RASGRF1: variants seen among roughly 807,000 people sequenced by gnomAD.
RASGRF1 encodes Ras protein specific guanine nucleotide releasing factor 1.
Under a neutral mutation model 138.7 loss-of-function variants are expected in RASGRF1, and 40 were observed. The observed-to-expected ratio is 0.29, with a 90% CI of 0.22 to 0.38. RASGRF1 has a LOEUF of 0.38. Ranked by LOEUF, RASGRF1 falls within the 10% of genes least tolerant of loss-of-function variation. RASGRF1 has a pLI of 1.00. For missense variants in RASGRF1, 1,108 were observed against 1,650.4 expected, an observed-to-expected ratio of 0.67 and a Z score of 5.69; for synonymous variants, 614 against 663.2, an observed-to-expected ratio of 0.93 and a Z score of 1.14.
At chr15:78,994,924 ACCTTTTT>A (rs1189095576) in intron 20 of RASGRF1, among the ~76,000 whole-genome samples, 4 of 131,200 alleles carry the variant, frequency 3.0e-5, no homozygotes, top group East Asian at 4.4e-4. Context: ...CCCTTCCAGC[ACCTTTTT>A]TTTTTTTTTT....
intron 23 of RASGRF1, among the ~76,000 whole-genome samples, chr15:78,983,596 G>A (rs2056083104): frequency 6.6e-6 from 1 of 152,244 alleles, no homozygotes; most frequent in South Asian, 2.1e-4. Context: ...CCAAGAACAG[G>A]GGAGAAGGAG....
chr15:79,031,708 G>C, intron 7 of RASGRF1, among the ~76,000 whole-genome samples, 199 bp from the exon 8 acceptor site: 1 of 149,522 alleles, frequency 6.7e-6, no homozygotes, highest in Non-Finnish European at 1.5e-5. Flanking sequence ...GAGAGAGAGA[G>C]AGCGCGTGAG....
chr15:79,006,561 G>C lies in RASGRF1; in HGVS notation c.1827-127C>G. 8.4e-7 allele frequency: 1 copy of C among 1,188,352 alleles called. No individual in the cohort carries two copies. The highest frequency in any genetic ancestry group is 1.2e-6 in the Non-Finnish European group (1 of 866,966). 73.6% of individuals were successfully genotyped at this position (1,188,352 alleles called of 1,614,324 possible). The stretch of plus-strand genomic sequence containing the variant: ...CAGGATGGTCTTATTAAGAGAACAA[G>C]CTTGGGAAGGATGACACTGAAGGAG... On this transcript the variant is annotated intron_variant, in intron 13 of 26. Transcript: ENST00000558480. This position sits in a 1 kb window ranked among gnomAD's most constrained non-coding sequence, Gnocchi z 4.0.
intron 5 of RASGRF1, among the ~76,000 whole-genome samples, chr15:79,039,361 T>C (rs938560436): frequency 2.0e-5 from 3 of 151,898 alleles, no homozygotes; most frequent in African/African-American, 7.2e-5. Flanking sequence ...TTTCTGGACT[T>C]TCTATTTTAT....
intron 1 of RASGRF1, among the ~76,000 whole-genome samples, chr15:79,080,445 G>T (rs1327011708): frequency 6.6e-6 from 1 of 152,214 alleles, no homozygotes; most frequent in Non-Finnish European, 1.5e-5. Flanking sequence ...TCTTCCAAAT[G>T]ATTTCACTAA....
At chr15:79,016,747 G>A (rs899789944) in intron 12 of RASGRF1, among the ~76,000 whole-genome samples, 1 of 152,236 alleles carries the variant, frequency 6.6e-6, no homozygotes, top group African/African-American at 2.4e-5. Context: ...GAGATGGGCA[G>A]GTGGGCCAGA....
At chr15:79,024,891 C>T (rs189654739) in intron 10 of RASGRF1, among the ~76,000 whole-genome samples, 254 of 150,434 alleles carry the variant, frequency 1.7e-3, no homozygotes, top group Non-Finnish European at 3.3e-3. Context: ...ATATACACAC[C>T]ACGCACACAT....
chr15:79,085,241 G>C (rs2057964364), intron 1 of RASGRF1, among the ~76,000 whole-genome samples: 1 of 152,220 alleles, frequency 6.6e-6, no homozygotes, highest in Non-Finnish European at 1.5e-5. Context: ...GGGCATGGTT[G>C]GTGGGAGATC....
chr15:78,992,381 A>G (rs2056289302), intron 20 of RASGRF1, among the ~76,000 whole-genome samples: 1 of 152,208 alleles, frequency 6.6e-6, no homozygotes. Context: ...TCATTAAGGG[A>G]TTCCACTATT....
chr15:79,029,363 G>A (rs1036452430), intron 8 of RASGRF1, among the ~76,000 whole-genome samples: 1 of 152,128 alleles, frequency 6.6e-6, no homozygotes, highest in African/African-American at 2.4e-5. Context: ...ATGAGGGTGG[G>A]GTTTTGCGGG....
intron 19 of RASGRF1, among the ~76,000 whole-genome samples, chr15:78,996,508 G>C (rs767468462): frequency 1.5e-4 from 23 of 152,152 alleles, no homozygotes; most frequent in Non-Finnish European, 2.2e-4. Context: ...ATATCTTACA[G>C]CTGAGGAAAC....
intron 15 of RASGRF1, among the ~76,000 whole-genome samples, chr15:79,002,985 G>A (rs2056570500): frequency 2.6e-5 from 4 of 152,192 alleles, no homozygotes; most frequent in Non-Finnish European, 5.9e-5. Context: ...CAATGCTTGT[G>A]GCACCCAAGA....
intron 26 of RASGRF1, among the ~76,000 whole-genome samples, chr15:78,963,347 T>C (rs1021207588): frequency 2.0e-5 from 3 of 151,978 alleles, no homozygotes; most frequent in African/African-American, 4.8e-5. Context: ...TGTCGCCCAG[T>C]CTGGAGTGCA....
chr15:79,014,520 A>G (rs377455050), intron 13 of RASGRF1, among the ~76,000 whole-genome samples: 6 of 152,220 alleles, frequency 3.9e-5, no homozygotes, highest in African/African-American at 7.2e-5. Context: ...GTTCTCATTC[A>G]TAAGTGGGAC....
intron 3 of RASGRF1, among the ~76,000 whole-genome samples, chr15:79,056,325 C>T (rs1215313900): frequency 6.6e-6 from 1 of 152,196 alleles, no homozygotes; most frequent in African/African-American, 2.4e-5. Flanking sequence ...TAATCTGGTA[C>T]TGGGGCTGGA....
chr15:78,980,805 T>C, intron 23 of RASGRF1, 106 bp from the exon 24 acceptor site: 1 of 806,428 alleles, frequency 1.2e-6, no homozygotes, highest in South Asian at 2.2e-5. Context: ...GGCTCCAGAA[T>C]TGCCTTCCCT....
intron 1 of RASGRF1, among the ~76,000 whole-genome samples, chr15:79,086,524 T>C (rs1341861405): frequency 1.3e-5 from 2 of 152,068 alleles, no homozygotes; most frequent in African/African-American, 4.8e-5. Flanking sequence ...GAGTGGGGCT[T>C]TGTCTTGTCT....
At chr15:79,043,664 G>A (rs1024746927) in intron 5 of RASGRF1, among the ~76,000 whole-genome samples, 2 of 152,226 alleles carry the variant, frequency 1.3e-5, no homozygotes, top group African/African-American at 4.8e-5. Context: ...GAAATGGGCA[G>A]CATCCTTGGG....
intron 4 of RASGRF1, among the ~76,000 whole-genome samples, chr15:79,048,677 A>T (rs1321533800): frequency 6.6e-6 from 1 of 152,218 alleles, no homozygotes; most frequent in Non-Finnish European, 1.5e-5. Flanking sequence ...ACAAATTTTT[A>T]AAAATGTAAA....
Sources: gnomAD v4.1 joint callset for allele counts (sites outside exome capture counted in the v4.1 genomes callset) on GRCh38, gnomAD v4.1.1 for gene constraint, Gnocchi (gnomAD v3.1) non-coding constraint, MANE v1.5 for transcripts, NCBI Gene and HGNC (gene_info 2026-07-23, HGNC 2026-07-21) for gene names.